The following SDK1 variants were observed in gnomAD, a reference collection of about 807,000 sequenced individuals.
SDK1 encodes protein sidekick-1.
A neutral mutation model predicts 245.5 loss-of-function variants in SDK1; 157 were observed. The observed-to-expected ratio is 0.64, with a 90% CI of 0.56 to 0.73. The LOEUF (loss-of-function observed/expected upper bound fraction) is 0.73, where lower values mean the gene tolerates loss of function less well. Among genes scored for constraint, SDK1 ranks in the 30% least tolerant of loss-of-function variants. SDK1 has a pLI of 0.00. For missense variants in SDK1, 3,583 were observed against 3,002.3 expected (o/e 1.19, Z -4.52); for synonymous variants, 1,647 against 1,278.5 (o/e 1.29, Z -6.15).
In SDK1 at chr7:3,648,344, T is replaced by G. The variant is rs1042753881; in HGVS notation, c.713+6239T>G. On this transcript the variant is annotated intron_variant, in intron 4 of 44. Coordinates refer to ENST00000404826, the MANE Select transcript of SDK1 (RefSeq NM_152744.4). The stretch of plus-strand genomic sequence containing the variant: ...TGCAGGTTCTTGTGCTCAAATTGCA[T>G]CCTGTAGCCTACCTGACAGGAATGT... Among the ~76,000 whole-genome samples the G allele has an allele frequency of 1.6e-4, 25 of 152,340 alleles. 1 individual carries two copies. The highest frequency in any genetic ancestry group is 3.4e-3 in the Middle Eastern group (1 of 294).
intron 17 of SDK1, among the ~76,000 whole-genome samples, chr7:4,021,881 C>T (rs1786924987): frequency 6.6e-6 from 1 of 152,220 alleles, no homozygotes; most frequent in Non-Finnish European, 1.5e-5. Flanking sequence ...TGACAATGGG[C>T]TCCTGGCTTG....
chr7:3,856,304 C>G (rs1780543954), intron 5 of SDK1, among the ~76,000 whole-genome samples: 1 of 151,608 alleles, frequency 6.6e-6, no homozygotes. Flanking sequence ...TAAATCTGAT[C>G]AAGAAAATAT....
chr7:3,462,997 G>A (rs868713134), intron 1 of SDK1, among the ~76,000 whole-genome samples: 4 of 152,118 alleles, frequency 2.6e-5, no homozygotes, highest in African/African-American at 4.8e-5. Context: ...CAGCTCCCCC[G>A]TGTGTTCTCC....
At chr7:3,984,709 C>G (rs969902289) in intron 13 of SDK1, among the ~76,000 whole-genome samples, 4 of 152,152 alleles carry the variant, frequency 2.6e-5, no homozygotes, top group Admixed American at 6.5e-5. Flanking sequence ...CCTGGCTCCT[C>G]GAGCCTCTAA....
chr7:4,101,419 T>C (rs2128187323), intron 22 of SDK1, among the ~76,000 whole-genome samples: 1 of 152,312 alleles, frequency 6.6e-6, no homozygotes, highest in East Asian at 1.9e-4. Context: ...AGTGCTGGGA[T>C]TACAGGCGTG....
intron 43 of SDK1, 68 bp downstream of exon 43, chr7:4,241,981 C>T (rs183013529): frequency 8.5e-5 from 133 of 1,557,900 alleles, no homozygotes; most frequent in South Asian, 5.6e-4. Flanking sequence ...TGGCAGCCCA[C>T]GCCCACTGGC....
intron 1 of SDK1, among the ~76,000 whole-genome samples, chr7:3,502,831 A>T (rs1346088220): frequency 2.6e-5 from 4 of 152,106 alleles, no homozygotes; most frequent in African/African-American, 9.7e-5. Flanking sequence ...TCAGCTTTTG[A>T]TTTTCTGAAT....
intron 5 of SDK1, among the ~76,000 whole-genome samples, chr7:3,823,197 T>G (rs1779689771): frequency 6.6e-6 from 1 of 152,196 alleles, no homozygotes. Flanking sequence ...TATTAAGATT[T>G]TTTCCAAGGG....
intron 1 of SDK1, among the ~76,000 whole-genome samples, chr7:3,456,151 A>G (rs1045402657): frequency 2.0e-5 from 3 of 152,134 alleles, no homozygotes; most frequent in African/African-American, 7.2e-5. Flanking sequence ...CACTGATTTC[A>G]AGATCTTTTT....
intron 26 of SDK1, among the ~76,000 whole-genome samples, chr7:4,128,023 C>G (rs1179771812): frequency 1.3e-5 from 2 of 152,192 alleles, no homozygotes; most frequent in East Asian, 3.9e-4. Flanking sequence ...GTCCCAGCTT[C>G]TCTGGGGAGC....
intron 4 of SDK1, among the ~76,000 whole-genome samples, chr7:3,695,332 A>G (rs1295816647): frequency 1.3e-5 from 2 of 152,222 alleles, no homozygotes; most frequent in African/African-American, 4.8e-5. Flanking sequence ...ATATTATGCC[A>G]AATAGATGCT....
At chr7:3,553,801 G>A (rs569334024) in intron 1 of SDK1, among the ~76,000 whole-genome samples, 1 of 152,264 alleles carries the variant, frequency 6.6e-6, no homozygotes, top group African/African-American at 2.4e-5. Flanking sequence ...GGTTAGGAAA[G>A]CCTAATCCAT....
intron 17 of SDK1, among the ~76,000 whole-genome samples, chr7:4,024,004 C>A (rs1787138957): frequency 6.6e-6 from 1 of 152,120 alleles, no homozygotes; most frequent in East Asian, 1.9e-4. Context: ...TAGAAGGGGT[C>A]CAGAGACAAA....
intron 4 of SDK1, among the ~76,000 whole-genome samples, chr7:3,748,222 C>T (rs1779680632): frequency 6.6e-6 from 1 of 152,134 alleles, no homozygotes; most frequent in South Asian, 2.1e-4. Context: ...ATGTATCTAA[C>T]ATACACTGAA....
chr7:3,512,535 G>A (rs1269149850), intron 1 of SDK1, among the ~76,000 whole-genome samples: 1 of 152,182 alleles, frequency 6.6e-6, no homozygotes, highest in Middle Eastern at 3.2e-3. Context: ...GAAGCCACCA[G>A]GCTGTCCTCA....
chr7:4,257,721 C>T (rs1001111474), intron 44 of SDK1, among the ~76,000 whole-genome samples: 6 of 152,134 alleles, frequency 3.9e-5, no homozygotes, highest in South Asian at 2.1e-4. Context: ...ATGTTCTGTC[C>T]GATTAGCTGT....
chr7:4,098,514 T>C (rs545704390), intron 22 of SDK1, among the ~76,000 whole-genome samples: 6 of 152,304 alleles, frequency 3.9e-5, no homozygotes, highest in African/African-American at 1.2e-4. Flanking sequence ...CAGACACTTA[T>C]TAAGCACCTA....
intron 1 of SDK1, among the ~76,000 whole-genome samples, chr7:3,399,583 C>T (rs1263357604): frequency 6.6e-6 from 1 of 152,068 alleles, no homozygotes; most frequent in African/African-American, 2.4e-5. Context: ...GAGTATCATC[C>T]TGTTGATAAG....
chr7:3,751,133 T>G (rs1226333792), intron 4 of SDK1, among the ~76,000 whole-genome samples: 1 of 152,228 alleles, frequency 6.6e-6, no homozygotes, highest in Non-Finnish European at 1.5e-5. Flanking sequence ...CCAGTCGCTG[T>G]GTGGCTACCA....
Sources: allele counts gnomAD v4.1 joint callset (sites outside exome capture counted in the v4.1 genomes callset), GRCh38; gene constraint gnomAD v4.1.1; transcripts MANE v1.5; gene names NCBI Gene and HGNC (gene_info 2026-07-23, HGNC 2026-07-21).